Variants in SMC2 observed in about 807,000 individuals in gnomAD.
SMC2 encodes structural maintenance of chromosomes 2, also known as structural maintenance of chromosomes protein 2.
SMC2 carries 41 observed loss-of-function variants against 142.6 expected under a neutral mutation model. That is an observed-to-expected ratio of 0.29 (90% CI 0.22 to 0.37). The LOEUF (loss-of-function observed/expected upper bound fraction) is 0.37, where lower values mean the gene tolerates loss of function less well. SMC2 is among the 10% of genes least tolerant of loss of function. SMC2 has a pLI of 1.00. For missense variants in SMC2, 1,265 were observed against 1,373.7 expected, an observed-to-expected ratio of 0.92 and a Z score of 1.25; for synonymous variants, 463 against 457.5, an observed-to-expected ratio of 1.01 and a Z score of -0.15.
At chr9:104,120,307 T>A in intron 16 of SMC2, 145 bp downstream of exon 16, 1 of 731,328 alleles carries the variant, frequency 1.4e-6, no homozygotes, top group Non-Finnish European at 2.1e-6. Context: ...TGTGAGTTGA[T>A]AACTTACCAT....
intron 18 of SMC2, among the ~76,000 whole-genome samples, chr9:104,125,385 G>T (rs1834155848): frequency 6.6e-6 from 1 of 152,000 alleles, no homozygotes; most frequent in Admixed American, 6.6e-5. Context: ...CAGTTACTCT[G>T]TATAATGCAA....
chr9:104,140,810 T>A lies in SMC2; in HGVS notation c.*1495T>A. On this transcript the variant is annotated 3_prime_UTR_variant, in exon 25 of 25. Transcript: ENST00000374793. ...GTCAATATTAAAGTATACCATAGTA[T>A]ACAAATTAGTCAGTACTTGCTGTTA... 6.6e-6 allele frequency: 1 copy of A among 152,488 alleles called. No homozygotes were observed. The highest frequency in any genetic ancestry group is 1.9e-4 in the East Asian group (1 of 5,202). 9.4% of individuals were successfully genotyped at this position (152,488 alleles called of 1,614,324 possible). A position where few individuals can be genotyped will look rare whatever the true frequency, so the allele number is the denominator to read the frequency against.
At chr9:104,094,188 GC>G, upstream of SMC2, 1 of 392,260 alleles carries the variant, frequency 2.5e-6, no homozygotes, top group South Asian at 1.4e-4. Flanking sequence ...TCATTCTATT[GC>G]CCTGCGGCTT....
intron 10 of SMC2, 149 bp downstream of exon 10, chr9:104,111,963 T>A (rs1832501168): frequency 4.9e-6 from 3 of 607,782 alleles, no homozygotes; most frequent in East Asian, 5.7e-5. Context: ...TAATGCCTAA[T>A]GCAGCGAAAT....
intron 16 of SMC2, among the ~76,000 whole-genome samples, chr9:104,121,724 A>G (rs548076191): frequency 7.2e-5 from 11 of 152,326 alleles, no homozygotes; most frequent in African/African-American, 2.4e-4. Context: ...AGGACACTAA[A>G]TATGAGCAAG....
rs1160228950 is a variant in SMC2 at position 104,140,160 on chromosome 9, G to A, written c.*845G>A. On this transcript the variant is annotated 3_prime_UTR_variant, in exon 25 of 25. Transcript: ENST00000374793. Reference sequence around the variant, plus strand: ...TAACAACCTATTGGTAAACAAGAATGTAGGTGCCAGTAGACTAAACCAAAT... The same window carrying A: ...TAACAACCTATTGGTAAACAAGAATATAGGTGCCAGTAGACTAAACCAAAT... The A allele has an allele frequency of 6.6e-6, 1 of 152,030 alleles. No individual in the cohort carries two copies. The highest frequency in any genetic ancestry group is 2.4e-5 in the African/African-American group (1 of 41,406). 9.4% of individuals were successfully genotyped at this position (152,030 alleles called of 1,614,324 possible).
intron 11 of SMC2, 73 bp downstream of exon 11, chr9:104,113,548 AG>A (rs1832731336): frequency 8.2e-7 from 1 of 1,224,628 alleles, no homozygotes; most frequent in Non-Finnish European, 1.1e-6. Flanking sequence ...ATTTAAATAA[AG>A]AACGCAAGCA....
intron 1 of SMC2, chr9:104,094,733 C>A (rs1284781814): frequency 6.8e-6 from 2 of 292,136 alleles, no homozygotes; most frequent in Admixed American, 5.1e-5. Context: ...AGATACATCT[C>A]ATCTCTAGTA....
At chr9:104,136,283 G>A (rs947576109) in intron 23 of SMC2, among the ~76,000 whole-genome samples, 1 of 151,788 alleles carries the variant, frequency 6.6e-6, no homozygotes, top group Non-Finnish European at 1.5e-5. Flanking sequence ...ACCTGTTAAT[G>A]TTCCTTATGA....
intron 4 of SMC2, 84 bp downstream of exon 4, chr9:104,098,652 T>C (rs1273445982): frequency 1.5e-6 from 2 of 1,346,244 alleles, no homozygotes; most frequent in African/African-American, 1.5e-5. Context: ...AAGTACTTTA[T>C]GTTTTGGATT....
intron 20 of SMC2, among the ~76,000 whole-genome samples, chr9:104,127,688 TTAGA>T (rs1432566525): frequency 6.6e-6 from 1 of 152,186 alleles, no homozygotes. Flanking sequence ...AGATTTAACT[TTAGA>T]TATTTTTTCC....
chr9:104,115,259 T>C (rs1287766669), intron 13 of SMC2, among the ~76,000 whole-genome samples: 1 of 151,538 alleles, frequency 6.6e-6, no homozygotes, highest in South Asian at 2.1e-4. Flanking sequence ...TTTTTTTTAA[T>C]TTATTTTATA....
intron 9 of SMC2, among the ~76,000 whole-genome samples, chr9:104,106,753 C>T (rs7872759): frequency 0.057 from 8,622 of 152,200 alleles, 655 homozygotes; most frequent in African/African-American, 0.18. Context: ...GACCAGATGA[C>T]TAGGCTGTTG....
intron 4 of SMC2, 75 bp downstream of exon 4, chr9:104,098,643 A>C (rs1367466091): frequency 1.3e-5 from 18 of 1,392,858 alleles, no homozygotes; most frequent in Non-Finnish European, 1.7e-5. Context: ...TTAAAATAGA[A>C]GTACTTTATG....
In SMC2 at chr9:104,095,462, C is replaced by T. The variant is rs1289812337; in HGVS notation, c.78C>T (p.Leu26=). ...QRTEVNGFDP[L]FNAITGLNGS... is the part of the protein sequence containing the mutation. ...CCGAAGTCAATGGTTTTGACCCCCT[C>T]TTCAATGCTATCACTGGCTTAAATG... The change falls in exon 2 of 25, where the codon CTC becomes CTT. Residue 26 remains leucine, a synonymous_variant. Transcript: ENST00000374793. 6.2e-7 allele frequency: 1 copy of T among 1,613,862 alleles called. No individual in the cohort carries two copies. The highest frequency in any genetic ancestry group is 1.7e-5 in the Admixed American group (1 of 60,028).
At chr9:104,111,876 A>G (rs927327886) in intron 10 of SMC2, 62 bp downstream of exon 10, 1 of 1,173,686 alleles carries the variant, frequency 8.5e-7, no homozygotes, top group Admixed American at 2.5e-5. Flanking sequence ...TTTTCATGTT[A>G]TGCTTTGGCA....
Position 104,118,346 on chromosome 9 carries a change from T to C in SMC2, c.1967T>C (p.Val656Ala), listed in dbSNP as rs1439630675. Residue 656 changes from valine (V) to alanine (A), a missense_variant, in exon 15 of 25, where the codon GTG (valine) becomes GCG (alanine). Around this residue, in one of 4 missense-constraint regions of SMC2, gnomAD observed 898 missense variants for 904.2 expected, o/e 0.99. Coordinates refer to ENST00000374793, the MANE Select transcript of SMC2 (RefSeq NM_006444.3). Reference sequence around the variant, plus strand: ...AGAACTGTAACTCTCGGAGGTGATGTGTTTGATCCTCATGGGACATTGAGT... The same window carrying C: ...AGAACTGTAACTCTCGGAGGTGATGCGTTTGATCCTCATGGGACATTGAGT... Reference protein sequence around the residue: ...MTRTVTLGGDVFDPHGTLSGG... With the variant: ...MTRTVTLGGDAFDPHGTLSGG... The C allele has an allele frequency of 1.2e-6, 2 of 1,613,544 alleles. No homozygotes were observed. Among genetic ancestry groups the C allele is most frequent in the East Asian group, 2.2e-5 (1 of 44,844 alleles).
chr9:104,132,805 T>C (rs949612356), intron 22 of SMC2, among the ~76,000 whole-genome samples: 1 of 152,018 alleles, frequency 6.6e-6, no homozygotes, highest in Non-Finnish European at 1.5e-5. Flanking sequence ...TATTAATTAG[T>C]GTGCAGCATG....
chr9:104,109,615 A>G (rs1217496889), intron 9 of SMC2, among the ~76,000 whole-genome samples: 1 of 152,196 alleles, frequency 6.6e-6, no homozygotes, highest in Non-Finnish European at 1.5e-5. Flanking sequence ...ATGACGCTGA[A>G]ACAACATGGT....
Sources: allele counts gnomAD v4.1 joint callset (sites outside exome capture counted in the v4.1 genomes callset), GRCh38; gene constraint gnomAD v4.1.1; regional missense constraint gnomAD v4.1.1; transcripts MANE v1.5; gene names NCBI Gene and HGNC (gene_info 2026-07-23, HGNC 2026-07-21).